Variants in SYNE1 observed in about 807,000 individuals in gnomAD.
SYNE1 encodes the protein nesprin-1.
Under a neutral mutation model 1,111.0 loss-of-function variants are expected in SYNE1, and 616 were observed. That is an observed-to-expected ratio of 0.55 (90% CI 0.52 to 0.59). The LOEUF is 0.59. SYNE1 is among the 20% of genes least tolerant of loss of function. SYNE1 has a pLI of 0.00. For missense variants in SYNE1, 10,006 were observed against 10,417.0 expected, an observed-to-expected ratio of 0.96 and a Z score of 1.72; for synonymous variants, 3,855 against 3,825.8, an observed-to-expected ratio of 1.01 and a Z score of -0.28.
At chr6:152,160,934 A>T (rs1381507318) in intron 131 of SYNE1, among the ~76,000 whole-genome samples, 1 of 151,910 alleles carries the variant, frequency 6.6e-6, no homozygotes, top group Non-Finnish European at 1.5e-5. Context: ...TTCATTTTAG[A>T]TATATATATG....
chr6:152,487,415 T>A (rs960944257), intron 12 of SYNE1, among the ~76,000 whole-genome samples: 1 of 152,216 alleles, frequency 6.6e-6, no homozygotes, highest in African/African-American at 2.4e-5. Flanking sequence ...TTCCATGGTG[T>A]ATATGTACCA....
At chr6:152,335,041 C>CA (rs1230335001) in intron 76 of SYNE1, among the ~76,000 whole-genome samples, 1 of 152,178 alleles carries the variant, frequency 6.6e-6, no homozygotes, top group African/African-American at 2.4e-5. Context: ...GCATACACAG[C>CA]AAAAAGAAAC....
chr6:152,456,901 G>A (rs111568532), intron 22 of SYNE1: 3 of 252,798 alleles, frequency 1.2e-5, no homozygotes, highest in African/African-American at 2.3e-5. Context: ...GTTTGTTTTG[G>A]GAAAAACAGA....
rs1410688684 is a variant in SYNE1 at position 152,255,763 on chromosome 6, A to G, written c.19105-17T>C. 2 of 1,613,974 alleles carry G rather than the reference A, an allele frequency of 1.2e-6. No homozygotes were observed. ...CCCTCCACTCTGGGAAACACAAAAC[A>G]GGGTCAAATAATCAATTTCAGTGTT... On this transcript the variant is annotated splice_polypyrimidine_tract_variant and intron_variant, in intron 102 of 145. Coordinates refer to ENST00000367255, the MANE Select transcript of SYNE1 (RefSeq NM_182961.4).
At chr6:152,609,505 G>A (rs2099625325) in intron 3 of SYNE1, among the ~76,000 whole-genome samples, 1 of 152,320 alleles carries the variant, frequency 6.6e-6, no homozygotes, top group Middle Eastern at 3.4e-3. Context: ...AGGTCAGCAA[G>A]ACCTACTGCC....
At chr6:152,168,972 A>G (rs1461028757) in intron 130 of SYNE1, among the ~76,000 whole-genome samples, 1 of 152,166 alleles carries the variant, frequency 6.6e-6, no homozygotes, top group African/African-American at 2.4e-5. Flanking sequence ...AGAGTTTCCA[A>G]ACTTTCTGCA....
intron 140 of SYNE1, among the ~76,000 whole-genome samples, chr6:152,139,498 G>C (rs1275894430): frequency 1.3e-5 from 2 of 150,442 alleles, no homozygotes; most frequent in Non-Finnish European, 3.0e-5. Context: ...TTAAACCTGG[G>C]AGGCAGAGGT....
At chr6:152,257,877 TA>T in intron 101 of SYNE1, among the ~76,000 whole-genome samples, 1 of 152,012 alleles carries the variant, frequency 6.6e-6, no homozygotes, top group Non-Finnish European at 1.5e-5. Context: ...CTAAAATTAA[TA>T]AAAAAGCAAA....
intron 50 of SYNE1, 57 bp downstream of exon 50, chr6:152,396,718 A>T: frequency 6.8e-7 from 1 of 1,479,464 alleles, no homozygotes; most frequent in Non-Finnish European, 9.5e-7. Context: ...CTTTTCTCTA[A>T]GCCTTTAAAA....
At chr6:152,171,238 G>A (rs1057288222) in intron 130 of SYNE1, among the ~76,000 whole-genome samples, 4 of 152,260 alleles carry the variant, frequency 2.6e-5, no homozygotes, top group African/African-American at 9.6e-5. Context: ...GAGGTGCTGA[G>A]AAGATAAGCA....
At chr6:152,151,313 C>G (rs986496457) in intron 135 of SYNE1, among the ~76,000 whole-genome samples, 1 of 151,508 alleles carries the variant, frequency 6.6e-6, no homozygotes, top group Non-Finnish European at 1.5e-5. Context: ...TGAAAAATAT[C>G]AACAACAATA....
At chr6:152,254,641 G>A (rs2090388936) in intron 104 of SYNE1, among the ~76,000 whole-genome samples, 1 of 152,140 alleles carries the variant, frequency 6.6e-6, no homozygotes, top group South Asian at 2.1e-4. Context: ...GACTTTTATT[G>A]ATTGAATTCT....
chr6:152,357,836 G>A (rs1227551615), intron 66 of SYNE1, among the ~76,000 whole-genome samples: 1 of 152,124 alleles, frequency 6.6e-6, no homozygotes, highest in Non-Finnish European at 1.5e-5. Context: ...TCTCCACCAT[G>A]TCTGGCATCT....
In SYNE1 at chr6:152,410,508, G is replaced by C. The variant is rs532892800; in HGVS notation, c.6231-799C>G. The C allele has an allele frequency of 2.0e-5, 3 of 152,318 alleles. No individual in the cohort carries two copies. In the South Asian group the frequency reaches 6.2e-4, roughly 32 times the overall value. 9.4% of individuals were successfully genotyped at this position (152,318 alleles called of 1,614,324 possible). ...AGCACTTTGCGAGTGCTCAAGGCAG[G>C]CTGATCACTTGAGGCCAGGAGTTCG... On this transcript the variant is annotated intron_variant, in intron 42 of 145. Transcript: ENST00000367255.
In SYNE1 at chr6:152,329,928, G is replaced by T. The variant is rs1387323639; in HGVS notation, c.14757C>A (p.Asp4919Glu). The change falls in exon 78 of 146, where the codon GAC becomes GAA. Residue 4919 changes from aspartate (D) to glutamate (E), a missense_variant. By Grantham distance (45) the Asp-to-Glu change is conservative (BLOSUM62 2). Around this residue, in one of 7 missense-constraint regions of SYNE1, gnomAD observed 4,955 missense variants for 5,017.2 expected, o/e 0.99. Transcript: ENST00000367255. ...GPVYLDLNLQDIQEEIRKIQI... is the reference protein window; with the variant it reads ...GPVYLDLNLQEIQEEIRKIQI... ...GGATTTTTCTGATTTCCTCTTGGAT[G>T]TCCTGCAGGTTGAGGTCTAGGTACA... 2.5e-6 allele frequency: 4 copies of T among 1,614,022 alleles called. No homozygotes were observed. The highest frequency in any genetic ancestry group is 3.4e-6 in the Non-Finnish European group (4 of 1,180,048).
chr6:152,268,687 A>G (rs1301264750), intron 99 of SYNE1, among the ~76,000 whole-genome samples: 1 of 152,210 alleles, frequency 6.6e-6, no homozygotes, highest in Non-Finnish European at 1.5e-5. Context: ...CTTATTCATC[A>G]AAGTTCATTT....
intron 3 of SYNE1, among the ~76,000 whole-genome samples, chr6:152,606,976 CTCTTTTTT>C (rs1391838000): frequency 8.2e-5 from 9 of 109,100 alleles, no homozygotes; most frequent in African/African-American, 3.0e-4. Context: ...TGCCTCGGTT[CTCTTTTTT>C]TTTTTTTTTT....
intron 8 of SYNE1, among the ~76,000 whole-genome samples, chr6:152,508,406 C>G (rs747125012): frequency 2.0e-4 from 31 of 152,190 alleles, no homozygotes; most frequent in Non-Finnish European, 2.8e-4. Context: ...GTAGCAATGA[C>G]TTTGAGCTGT....
intron 9 of SYNE1, among the ~76,000 whole-genome samples, chr6:152,504,484 A>T (rs1425585940): frequency 6.6e-6 from 1 of 152,192 alleles, no homozygotes; most frequent in Non-Finnish European, 1.5e-5. Context: ...CAGGAAGGGT[A>T]GGGAGGAGAG....
Sources: gnomAD v4.1 joint callset for allele counts (sites outside exome capture counted in the v4.1 genomes callset) on GRCh38, gnomAD v4.1.1 for gene constraint, gnomAD v4.1.1 regional missense constraint, MANE v1.5 for transcripts, NCBI Gene and HGNC (gene_info 2026-07-23, HGNC 2026-07-21) for gene names.